Variants in STXBP3 observed in about 807,000 individuals in gnomAD.
STXBP3 encodes the protein syntaxin binding protein 3, also known as syntaxin-binding protein 3.
STXBP3 carries 41 observed loss-of-function variants against 85.7 expected under a neutral mutation model. The observed-to-expected ratio is 0.48, with a 90% CI of 0.37 to 0.62. STXBP3 has a LOEUF of 0.62. Among genes scored for constraint, STXBP3 ranks in the 20% least tolerant of loss-of-function variants. The probability of loss-of-function intolerance (pLI) is 0.00; values close to 1 mark genes in which losing one functional copy is unlikely to be tolerated. For missense variants in STXBP3, 563 were observed against 703.1 expected (o/e 0.80, Z 2.25); for synonymous variants, 229 against 231.7 (o/e 0.99, Z 0.10).
intron 12 of STXBP3, among the ~76,000 whole-genome samples, chr1:108,794,172 G>T (rs1149160): frequency 2.0e-5 from 3 of 151,876 alleles, no homozygotes; most frequent in East Asian, 3.9e-4. Context: ...AGAACTTCTG[G>T]GTATTTTTCT....
In STXBP3 at chr1:108,796,741, G is replaced by A. The variant is rs1663112476; in HGVS notation, c.1356+15G>A. Reference sequence around the variant, plus strand: ...TTGTTCCCCAAGTAAGAAGTCTTATGTTGTGTATATACTTTATATGTATGT... The same window carrying A: ...TTGTTCCCCAAGTAAGAAGTCTTATATTGTGTATATACTTTATATGTATGT... On this transcript the variant is annotated intron_variant, in intron 15 of 18. Coordinates refer to ENST00000370008, the MANE Select transcript of STXBP3 (RefSeq NM_007269.4). The A allele has an allele frequency of 1.0e-5, 16 of 1,603,050 alleles. No homozygotes were observed. The highest frequency in any genetic ancestry group is 1.4e-5 in the Non-Finnish European group (16 of 1,171,634).
chr1:108,747,036 C>G (rs1661800348), intron 1 of STXBP3, among the ~76,000 whole-genome samples: 1 of 151,186 alleles, frequency 6.6e-6, no homozygotes, highest in Admixed American at 6.6e-5. Context: ...CGGCCGCGCT[C>G]TGGCCGCGAA....
intron 1 of STXBP3, among the ~76,000 whole-genome samples, chr1:108,751,494 C>T (rs182983489): frequency 6.6e-6 from 1 of 151,880 alleles, no homozygotes; most frequent in East Asian, 1.9e-4. Flanking sequence ...ATGAAATAAC[C>T]ATCTCATTAA....
At chr1:108,752,838 T>C (rs1211480878) in intron 2 of STXBP3, among the ~76,000 whole-genome samples, 1 of 152,220 alleles carries the variant, frequency 6.6e-6, no homozygotes, top group East Asian at 1.9e-4. Context: ...ATAAGCTCTA[T>C]GTTTCAAATT....
At chr1:108,784,052 G>C (rs1227170804) in intron 11 of STXBP3, among the ~76,000 whole-genome samples, 1 of 152,118 alleles carries the variant, frequency 6.6e-6, no homozygotes, top group African/African-American at 2.4e-5. Flanking sequence ...ATTTATGTAT[G>C]TATGTATCTT....
intron 6 of STXBP3, among the ~76,000 whole-genome samples, chr1:108,767,748 T>G (rs1662298697): frequency 6.6e-6 from 1 of 151,996 alleles, no homozygotes; most frequent in Non-Finnish European, 1.5e-5. Context: ...CACGCCCAGC[T>G]AATTTTTTCT....
intron 16 of STXBP3, among the ~76,000 whole-genome samples, chr1:108,798,562 C>T (rs1047453776): frequency 1.3e-5 from 2 of 151,836 alleles, no homozygotes; most frequent in Admixed American, 6.6e-5. Context: ...ACTACAGGCA[C>T]ACGCCACCAT....
rs201792987 is a variant in STXBP3, at chr1:108,782,679, A to G, written c.936A>G (p.Ser312=). ...EEIPKLMKEI[S]STKKATEGKT... ...TTCCCAAGCTTATGAAAGAAATTTC[A>G]TCAACAAAGAAAGCAACAGAAGGAA... Residue 312 remains serine, a synonymous_variant, in exon 11 of 19, where the codon TCA becomes TCG. Transcript: ENST00000370008. 1.1e-4 allele frequency: 183 copies of G among 1,608,958 alleles called. 2 individuals are homozygous for G. In the Admixed American group the frequency reaches 2.7e-3, roughly 24 times the overall value.
intron 1 of STXBP3, among the ~76,000 whole-genome samples, chr1:108,750,530 C>G (rs1661878085): frequency 6.6e-6 from 1 of 152,164 alleles, no homozygotes; most frequent in Admixed American, 6.5e-5. Context: ...ATTGCTTTTA[C>G]TAACAACATT....
At chr1:108,781,609 G>C (rs993020914) in intron 9 of STXBP3, 7 of 152,118 alleles carry the variant, frequency 4.6e-5, no homozygotes, top group African/African-American at 1.7e-4. Flanking sequence ...TGTGGTTATA[G>C]GGTTGGGGGA....
chr1:108,756,271 A>C (rs1356331704), intron 3 of STXBP3, among the ~76,000 whole-genome samples: 5 of 152,118 alleles, frequency 3.3e-5, no homozygotes, highest in Non-Finnish European at 5.9e-5. Context: ...GGCAGGTAAA[A>C]ACTTGGGCTC....
chr1:108,756,408 A>T (rs748965724), intron 3 of STXBP3, among the ~76,000 whole-genome samples: 1 of 152,106 alleles, frequency 6.6e-6, no homozygotes, highest in Non-Finnish European at 1.5e-5. Context: ...AATTTTAATG[A>T]GTAATTCATG....
At chr1:108,756,508 G>T (rs1478338659) in intron 3 of STXBP3, among the ~76,000 whole-genome samples, 182 bp from the exon 4 acceptor site, 1 of 151,764 alleles carries the variant, frequency 6.6e-6, no homozygotes, top group Non-Finnish European at 1.5e-5. Flanking sequence ...CATTTTTCAG[G>T]ATTTTAAAAT....
intron 2 of STXBP3, among the ~76,000 whole-genome samples, chr1:108,752,608 C>T (rs1425364516): frequency 6.6e-6 from 1 of 152,174 alleles, no homozygotes; most frequent in Non-Finnish European, 1.5e-5. Flanking sequence ...AACTTCACCA[C>T]TTAATAGCTG....
chr1:108,778,412 T>A (rs906468236), intron 8 of STXBP3, among the ~76,000 whole-genome samples: 2 of 152,226 alleles, frequency 1.3e-5, no homozygotes, highest in African/African-American at 2.4e-5. Context: ...TTGTGATTTA[T>A]CATCTTAGTT....
chr1:108,760,163 C>CCTG, intron 6 of STXBP3, 78 bp downstream of exon 6: 1 of 762,256 alleles, frequency 1.3e-6, no homozygotes, highest in Non-Finnish European at 2.1e-6. Flanking sequence ...AAAGTATATT[C>CCTG]TGAAGATATT....
At chr1:108,763,085 A>G (rs1662174235) in intron 6 of STXBP3, among the ~76,000 whole-genome samples, 1 of 152,228 alleles carries the variant, frequency 6.6e-6, no homozygotes, top group Admixed American at 6.5e-5. Context: ...AAGGCACAGA[A>G]TCCTGTTTCT....
intron 17 of STXBP3, among the ~76,000 whole-genome samples, chr1:108,804,303 G>A (rs1334895123): frequency 6.6e-6 from 1 of 151,966 alleles, no homozygotes; most frequent in Non-Finnish European, 1.5e-5. Context: ...TGCTGTATAA[G>A]CTGTTTTTTC....
In STXBP3 at chr1:108,778,111, C is replaced by G. The variant is rs568614740; in HGVS notation, c.685-1175C>G. Reference sequence around the variant, plus strand: ...CCTAGCTGATTTCCAAGGCTGTGCTCTGAACCACCATATCATACTGTCTCA... The same window carrying G: ...CCTAGCTGATTTCCAAGGCTGTGCTGTGAACCACCATATCATACTGTCTCA... On this transcript the variant is annotated intron_variant, in intron 8 of 18. Transcript: ENST00000370008. Among the ~76,000 whole-genome samples the G allele has an allele frequency of 9.9e-5, 15 of 152,226 alleles. No homozygotes were observed. The South Asian group carries it at 3.1e-3, about 32-fold the overall frequency.
Sources: gnomAD v4.1 joint callset for allele counts (sites outside exome capture counted in the v4.1 genomes callset) on GRCh38, gnomAD v4.1.1 for gene constraint, MANE v1.5 for transcripts, NCBI Gene and HGNC (gene_info 2026-07-23, HGNC 2026-07-21) for gene names.